The following LPP variants were observed in gnomAD, a reference collection of about 807,000 sequenced individuals.
LPP encodes LIM domain containing preferred translocation partner in lipoma.
In LPP, 38 loss-of-function variants were observed where a neutral mutation model predicts 60.4. The ratio of observed to expected loss-of-function variants is 0.63; its 90% confidence interval spans 0.49 to 0.83. The LOEUF is 0.83. Among genes scored for constraint, LPP ranks in the 40% least tolerant of loss-of-function variants. The probability of loss-of-function intolerance (pLI) is 0.00; values close to 1 mark genes in which losing one functional copy is unlikely to be tolerated. For missense variants in LPP, 902 were observed against 783.6 expected (o/e 1.15, Z -1.80); for synonymous variants, 328 against 290.8 (o/e 1.13, Z -1.30).
intron 7 of LPP, among the ~76,000 whole-genome samples, chr3:188,704,186 G>A (rs76807937): frequency 0.022 from 3,388 of 152,226 alleles, 123 homozygotes; most frequent in African/African-American, 0.077. Context: ...TGTATTGCAA[G>A]CCTGGAGAAA....
intron 5 of LPP, among the ~76,000 whole-genome samples, chr3:188,498,551 G>A (rs147905806): frequency 7.2e-5 from 11 of 152,166 alleles, no homozygotes; most frequent in East Asian, 3.9e-4. Flanking sequence ...CTGCTTATCC[G>A]TTCTTGTTAA....
At chr3:188,817,015 T>C (rs1398294030) in intron 9 of LPP, among the ~76,000 whole-genome samples, 1 of 152,214 alleles carries the variant, frequency 6.6e-6, no homozygotes, top group Non-Finnish European at 1.5e-5. Flanking sequence ...TTTCTTTGCC[T>C]TTTTGATTGT....
intron 9 of LPP, among the ~76,000 whole-genome samples, chr3:188,818,918 G>A (rs1268145505): frequency 6.6e-6 from 1 of 152,052 alleles, no homozygotes; most frequent in African/African-American, 2.4e-5. Flanking sequence ...TGGAAGATAA[G>A]ATAATTTATT....
chr3:188,844,467 T>A (rs1336277186), intron 9 of LPP, among the ~76,000 whole-genome samples: 3 of 152,238 alleles, frequency 2.0e-5, no homozygotes, highest in African/African-American at 7.2e-5. Context: ...TGCTTCACTT[T>A]ACAAAACAGT....
rs1766006886 is a variant in LPP at position 188,352,036 on chromosome 3, G to T, written c.-10+10317G>T. 6.6e-6 allele frequency among the ~76,000 whole-genome samples: 1 copy of T among 152,074 alleles called. No homozygotes were observed. Among genetic ancestry groups the T allele is most frequent in the Admixed American group, 6.6e-5 (1 of 15,256 alleles). On this transcript the variant is annotated intron_variant, in intron 3 of 11. Coordinates refer to ENST00000617246, the MANE Select transcript of LPP (RefSeq NM_001375462.1). The surrounding 1 kb of genome is among the most constrained non-coding windows in gnomAD (Gnocchi z 4.4). ...CCCTAGCTAGCCTCGACCTCAACGT[G>T]TATTATTTCCTCCCCCCTTGTCATT... is the stretch of plus-strand genomic sequence containing the variant.
intron 8 of LPP, among the ~76,000 whole-genome samples, chr3:188,727,435 A>G (rs186452667): frequency 3.3e-5 from 5 of 152,338 alleles, no homozygotes; most frequent in Admixed American, 3.3e-4. Context: ...TTTAGTTAAG[A>G]TGATTTCCAG....
chr3:188,869,270 TTTTA>T (rs768875195), intron 10 of LPP, among the ~76,000 whole-genome samples: 4 of 152,092 alleles, frequency 2.6e-5, no homozygotes, highest in Non-Finnish European at 5.9e-5. Flanking sequence ...TTAGCCTGCC[TTTTA>T]TTTATTTATT....
chr3:188,365,971 G>A (rs950574355), intron 3 of LPP, among the ~76,000 whole-genome samples: 6 of 152,104 alleles, frequency 3.9e-5, no homozygotes, highest in Admixed American at 2.0e-4. Flanking sequence ...TACAGCCACC[G>A]CACTGTGTAT....
intron 11 of LPP, among the ~76,000 whole-genome samples, chr3:188,873,462 G>T (rs1401971881): frequency 4.6e-5 from 7 of 152,138 alleles, no homozygotes; most frequent in Non-Finnish European, 4.4e-5. Context: ...ATTTTCCAAA[G>T]AAACTTCTAT....
chr3:188,688,706 G>A (rs544565072), intron 7 of LPP: 74 of 445,118 alleles, frequency 1.7e-4, no homozygotes, highest in Middle Eastern at 6.5e-4. Flanking sequence ...TGTCTATTCA[G>A]CAAGCACTTA....
chr3:188,689,564 ATC>A (rs978046827), intron 7 of LPP, among the ~76,000 whole-genome samples: 6 of 152,076 alleles, frequency 3.9e-5, no homozygotes, highest in African/African-American at 1.4e-4. Context: ...TGCAATATTT[ATC>A]TTTCTGTGCC....
rs554614541 is a variant in LPP at position 188,372,388 on chromosome 3, A to G, written c.-10+30669A>G. 1.5e-3 allele frequency among the ~76,000 whole-genome samples: 225 copies of G among 152,318 alleles called. 1 individual carries two copies. The highest frequency in any genetic ancestry group is 5.2e-3 in the African/African-American group (215 of 41,592). On this transcript the variant is annotated intron_variant, in intron 3 of 11. Coordinates refer to ENST00000617246, the MANE Select transcript of LPP (RefSeq NM_001375462.1). ...CTTCAATCCAATTAGTAAGAAAAAC[A>G]CTTCATGTCACTGTTAAATAACATG...
intron 6 of LPP, among the ~76,000 whole-genome samples, chr3:188,592,557 G>GTTGTTTGTTTTTTTTTTT (rs1553936334): frequency 3.7e-4 from 32 of 85,740 alleles, no homozygotes; most frequent in Middle Eastern, 8.9e-3. Context: ...TTTTGTTTTT[G>GTTGTTTGTTTTTTTTTTT]TTTTTTAAAT....
At chr3:188,558,099 A>G (rs1560562119) in intron 6 of LPP, among the ~76,000 whole-genome samples, 1 of 152,102 alleles carries the variant, frequency 6.6e-6, no homozygotes, top group African/African-American at 2.4e-5. Flanking sequence ...TAAGTTCCTT[A>G]TCTGTCTCTG....
At chr3:188,639,317 A>G (rs1446001041) in intron 7 of LPP, among the ~76,000 whole-genome samples, 1 of 149,762 alleles carries the variant, frequency 6.7e-6, no homozygotes, top group African/African-American at 2.4e-5. Flanking sequence ...AGCCATATGT[A>G]GAAAGCTGAA....
chr3:188,476,242 C>G (rs1183507492), intron 4 of LPP, among the ~76,000 whole-genome samples: 1 of 150,558 alleles, frequency 6.6e-6, no homozygotes, highest in South Asian at 2.1e-4. Context: ...TCCCTGGGGT[C>G]TAGAGTAATG....
At chr3:188,222,811 A>G (rs749649370) in intron 1 of LPP, among the ~76,000 whole-genome samples, 1 of 151,878 alleles carries the variant, frequency 6.6e-6, no homozygotes, top group Non-Finnish European at 1.5e-5. Context: ...CTTTAACTGT[A>G]CTCATTCATC....
chr3:188,579,830 C>T (rs1423375695), intron 6 of LPP, among the ~76,000 whole-genome samples: 2 of 121,490 alleles, frequency 1.6e-5, no homozygotes, highest in African/African-American at 6.4e-5. Flanking sequence ...ATTAGCCAGG[C>T]ATGATGGCAT....
At chr3:188,579,575 C>T (rs1835561226) in intron 6 of LPP, among the ~76,000 whole-genome samples, 1 of 151,736 alleles carries the variant, frequency 6.6e-6, no homozygotes, top group Admixed American at 6.6e-5. Flanking sequence ...TAAAAGCAAT[C>T]GTGTTAAAAT....
Sources: allele counts gnomAD v4.1 joint callset (sites outside exome capture counted in the v4.1 genomes callset), GRCh38; gene constraint gnomAD v4.1.1; non-coding constraint Gnocchi (gnomAD v3.1); transcripts MANE v1.5; gene names NCBI Gene and HGNC (gene_info 2026-07-23, HGNC 2026-07-21).